Variants in NELL1 observed in about 807,000 individuals in gnomAD.
NELL1 encodes the protein protein kinase C-binding protein NELL1.
A neutral mutation model predicts 107.4 loss-of-function variants in NELL1; 76 were observed. The ratio of observed to expected loss-of-function variants is 0.71; its 90% CI spans 0.59 to 0.86. The LOEUF is 0.86. Ranked by LOEUF, NELL1 falls within the 40% of genes least tolerant of loss-of-function variation. NELL1 has a pLI of 0.00. For missense variants in NELL1, 1,024 were observed against 1,005.5 expected, an observed-to-expected ratio of 1.02 and a Z score of -0.25; for synonymous variants, 353 against 341.2, an observed-to-expected ratio of 1.03 and a Z score of -0.38.
intron 16 of NELL1, among the ~76,000 whole-genome samples, chr11:21,543,546 T>C (rs1856348699): frequency 1.3e-5 from 2 of 151,952 alleles, no homozygotes; most frequent in Non-Finnish European, 1.5e-5. Context: ...CAACATCTAA[T>C]AGAAAAGAAA....
intron 14 of NELL1, among the ~76,000 whole-genome samples, chr11:21,280,127 A>G (rs1236098209): frequency 6.6e-6 from 1 of 152,198 alleles, no homozygotes; most frequent in Non-Finnish European, 1.5e-5. Context: ...TGATACTACA[A>G]TGGTGGATAC....
intron 4 of NELL1, among the ~76,000 whole-genome samples, chr11:20,864,318 CACA>C (rs1438132736): frequency 6.6e-6 from 1 of 152,126 alleles, no homozygotes; most frequent in African/African-American, 2.4e-5. Flanking sequence ...GTGGTAAGAA[CACA>C]ACATCTCTTC....
intron 3 of NELL1, among the ~76,000 whole-genome samples, chr11:20,793,606 GATGGTTTT>G (rs1857115833): frequency 6.6e-6 from 1 of 152,076 alleles, no homozygotes; most frequent in African/African-American, 2.4e-5. Flanking sequence ...TAAAACCACT[GATGGTTTT>G]ATGTTTCCTT....
At chr11:20,753,936 C>A (rs555674212) in intron 2 of NELL1, among the ~76,000 whole-genome samples, 1 of 152,172 alleles carries the variant, frequency 6.6e-6, no homozygotes, top group African/African-American at 2.4e-5. Context: ...ATAAGCAGAA[C>A]AAAACTTCTG....
chr11:21,149,791 G>A (rs963032764), intron 13 of NELL1, among the ~76,000 whole-genome samples: 20 of 152,148 alleles, frequency 1.3e-4, no homozygotes, highest in African/African-American at 4.8e-4. Flanking sequence ...ATTCTAGGTA[G>A]TGAAAAGAGA....
intron 13 of NELL1, among the ~76,000 whole-genome samples, chr11:21,122,058 G>T (rs747613523): frequency 2.6e-5 from 4 of 152,162 alleles, no homozygotes; most frequent in Non-Finnish European, 5.9e-5. Context: ...TGATTGTTTT[G>T]TTGGGTTTAA....
At chr11:21,156,467 A>G (rs1395187979) in intron 13 of NELL1, among the ~76,000 whole-genome samples, 2 of 152,082 alleles carry the variant, frequency 1.3e-5, no homozygotes, top group East Asian at 3.9e-4. Flanking sequence ...AGTCAGAAAC[A>G]AGGAAAAAGG....
At chr11:21,381,049 G>A (rs1215878429) in intron 15 of NELL1, among the ~76,000 whole-genome samples, 2 of 152,030 alleles carry the variant, frequency 1.3e-5, no homozygotes, top group Admixed American at 1.3e-4. Flanking sequence ...CAGCCAGTCA[G>A]TAGTCAAGTT....
At chr11:21,414,979 A>G (rs1224488911) in intron 15 of NELL1, among the ~76,000 whole-genome samples, 1 of 152,084 alleles carries the variant, frequency 6.6e-6, no homozygotes, top group Admixed American at 6.6e-5. Flanking sequence ...CCTCCCAAAA[A>G]AAGCATAAGC....
chr11:21,550,751 G>C (rs1856559240), intron 16 of NELL1, among the ~76,000 whole-genome samples: 2 of 152,088 alleles, frequency 1.3e-5, no homozygotes, highest in South Asian at 4.1e-4. Context: ...TAGCCTTGTA[G>C]TGTAGTTTGA....
At chr11:21,063,123 C>T (rs1158894775) in intron 12 of NELL1, among the ~76,000 whole-genome samples, 3 of 152,078 alleles carry the variant, frequency 2.0e-5, no homozygotes. Flanking sequence ...GCTAGGATTA[C>T]AAATGTGAGC....
intron 2 of NELL1, among the ~76,000 whole-genome samples, chr11:20,719,112 A>G (rs1855318678): frequency 6.6e-6 from 1 of 152,230 alleles, no homozygotes; most frequent in Admixed American, 6.5e-5. Context: ...GGAAAAGACA[A>G]CAAACATTTG....
At position 20,710,970 on chromosome 11, in the gene NELL1, G is replaced by T. The variant is rs113994636; in HGVS notation, c.184+32910G>T. On this transcript the variant is annotated intron_variant, in intron 2 of 19. Coordinates refer to ENST00000357134, the MANE Select transcript of NELL1 (RefSeq NM_006157.5). ...TCTTTATTGTGTTTATCTTTTCAAAGAATCAGCTTTTTGTTTTATTTATTT... is the reference window on the plus strand; with the variant it reads ...TCTTTATTGTGTTTATCTTTTCAAATAATCAGCTTTTTGTTTTATTTATTT... 8.3e-3 allele frequency among the ~76,000 whole-genome samples: 1,266 copies of T among 151,932 alleles called. 11 individuals carry two copies. Among genetic ancestry groups the T allele is most frequent in the African/African-American group, 0.029 (1,204 of 41,506 alleles).
chr11:21,320,097 A>G (rs1849975919), intron 14 of NELL1, among the ~76,000 whole-genome samples: 2 of 152,184 alleles, frequency 1.3e-5, no homozygotes, highest in South Asian at 2.1e-4. Context: ...AGCTACTTCT[A>G]TGCCTGCCAG....
intron 15 of NELL1, among the ~76,000 whole-genome samples, chr11:21,467,729 T>C (rs772676891): frequency 1.4e-4 from 21 of 152,132 alleles, no homozygotes; most frequent in Non-Finnish European, 2.5e-4. Flanking sequence ...TGTTTCAGGG[T>C]GCTAAAGAAG....
intron 13 of NELL1, among the ~76,000 whole-genome samples, chr11:21,168,716 GGCCAGTTAAA>G (rs1856538212): frequency 6.6e-6 from 1 of 151,800 alleles, no homozygotes; most frequent in African/African-American, 2.4e-5. Flanking sequence ...TTAAACCTAT[GGCCAGTTAAA>G]GCTCATAAGT....
At chr11:21,177,533 C>T (rs1367297581) in intron 13 of NELL1, among the ~76,000 whole-genome samples, 1 of 151,706 alleles carries the variant, frequency 6.6e-6, no homozygotes, top group African/African-American at 2.4e-5. Context: ...CTGGTTGTTT[C>T]CATAGCTTGG....
chr11:21,194,816 C>G (rs1857118843), intron 13 of NELL1, among the ~76,000 whole-genome samples: 1 of 152,134 alleles, frequency 6.6e-6, no homozygotes, highest in African/African-American at 2.4e-5. Context: ...TCCATGGATA[C>G]AACTGTATCA....
chr11:20,772,783 G>A (rs971296198), intron 2 of NELL1, among the ~76,000 whole-genome samples: 5 of 152,222 alleles, frequency 3.3e-5, no homozygotes, highest in African/African-American at 9.6e-5. Context: ...AGATGGTGCT[G>A]AGGGACAGTG....
Sources: gnomAD v4.1 joint callset for allele counts (sites outside exome capture counted in the v4.1 genomes callset) on GRCh38, gnomAD v4.1.1 for gene constraint, MANE v1.5 for transcripts, NCBI Gene and HGNC (gene_info 2026-07-23, HGNC 2026-07-21) for gene names.